Variants in EGLN1 observed in about 807,000 individuals in gnomAD.
EGLN1 encodes the protein egl-9 family hypoxia inducible factor 1.
EGLN1 carries 17 observed loss-of-function variants against 38.3 expected under a neutral mutation model. The ratio of observed to expected loss-of-function variants is 0.44; its 90% confidence interval spans 0.30 to 0.67. The LOEUF (loss-of-function observed/expected upper bound fraction) is 0.67, where lower values mean the gene tolerates loss of function less well. Ranked by LOEUF, EGLN1 falls within the 30% of genes least tolerant of loss-of-function variation. The pLI is 0.08. For missense variants in EGLN1, 477 were observed against 603.3 expected (o/e 0.79, Z 2.19); for synonymous variants, 283 against 257.5 (o/e 1.10, Z -0.95).
chr1:231,372,094 T>G (rs1687838828), intron 2 of EGLN1, among the ~76,000 whole-genome samples: 1 of 152,180 alleles, frequency 6.6e-6, no homozygotes, highest in Admixed American at 6.5e-5. Context: ...GTACCACAGG[T>G]GACCTGCTGA....
intron 1 of EGLN1, among the ~76,000 whole-genome samples, chr1:231,384,842 T>C (rs147297014): frequency 6.6e-6 from 1 of 152,364 alleles, no homozygotes; most frequent in Non-Finnish European, 1.5e-5. Flanking sequence ...TGGCTGCTTT[T>C]GTGCCCCAAC....
In EGLN1 at chr1:231,375,883, T is replaced by C. The variant is rs977618070; in HGVS notation, c.892-1784A>G. 2.6e-5 allele frequency among the ~76,000 whole-genome samples: 4 copies of C among 152,238 alleles called. No homozygotes were observed. In the East Asian group the frequency reaches 7.7e-4, roughly 29 times the overall value. ...GAATTACACAATATATTGTTATTCA[T>C]GGGAAAGAAGGGGGAAACCTGAACT... is the stretch of plus-strand genomic sequence containing the variant. On this transcript the variant is annotated intron_variant, in intron 1 of 4. Transcript: ENST00000366641.
intron 1 of EGLN1, among the ~76,000 whole-genome samples, chr1:231,383,448 T>A (rs1194351114): frequency 6.6e-6 from 1 of 152,146 alleles, no homozygotes; most frequent in Non-Finnish European, 1.5e-5. Context: ...AGCAAAGACA[T>A]AATTAACTTT....
chr1:231,409,773 A>T (rs1440284900), intron 1 of EGLN1, among the ~76,000 whole-genome samples: 2 of 152,184 alleles, frequency 1.3e-5, no homozygotes, highest in African/African-American at 2.4e-5. Flanking sequence ...TTGAGCACTG[A>T]TTATCTGTTG....
intron 1 of EGLN1, among the ~76,000 whole-genome samples, chr1:231,382,384 A>C (rs1688098035): frequency 6.6e-6 from 1 of 152,216 alleles, no homozygotes; most frequent in South Asian, 2.1e-4. Flanking sequence ...GGATATAAAT[A>C]ATCATCAGTA....
At chr1:231,385,842 C>A (rs1156776473) in intron 1 of EGLN1, among the ~76,000 whole-genome samples, 2 of 151,910 alleles carry the variant, frequency 1.3e-5, no homozygotes, top group African/African-American at 4.8e-5. Context: ...TAAAAAGGAG[C>A]TGATTTTTTT....
chr1:231,387,766 C>T (rs570242390), intron 1 of EGLN1, among the ~76,000 whole-genome samples: 1 of 152,276 alleles, frequency 6.6e-6, no homozygotes, highest in Non-Finnish European at 1.5e-5. Flanking sequence ...TCTCTATATC[C>T]TTACATCCCA....
Position 231,416,951 on chromosome 1 carries a change from A to G in EGLN1, c.891+4047T>C, listed in dbSNP as rs1022813800. ...TTCAATTTGTGTATCCTGGATCCCA[A>G]GCATACAAAGAGAATGGAAAAAGGA... is the stretch of plus-strand genomic sequence containing the variant. On this transcript the variant is annotated intron_variant, in intron 1 of 4. Transcript: ENST00000366641. Among the ~76,000 whole-genome samples the G allele has an allele frequency of 3.9e-5, 6 of 152,366 alleles. No individual in the cohort carries two copies. The East Asian group carries it at 1.2e-3, about 29-fold the overall frequency.
At chr1:231,411,569 G>A (rs759491345) in intron 1 of EGLN1, among the ~76,000 whole-genome samples, 4 of 152,076 alleles carry the variant, frequency 2.6e-5, no homozygotes, top group South Asian at 2.1e-4. Context: ...AGCTTCCTGG[G>A]TTCTGGAGTT....
At chr1:231,412,550 AGAC>A (rs750666175) in intron 1 of EGLN1, among the ~76,000 whole-genome samples, 5 of 152,218 alleles carry the variant, frequency 3.3e-5, no homozygotes, top group Non-Finnish European at 7.3e-5. Context: ...ACATACTTAT[AGAC>A]AACACTAAAA....
intron 1 of EGLN1, among the ~76,000 whole-genome samples, chr1:231,417,623 AAGG>A (rs1007403600): frequency 6.6e-6 from 1 of 152,186 alleles, no homozygotes; most frequent in African/African-American, 2.4e-5. Flanking sequence ...TAACGGCAAA[AAGG>A]AGAAAATCCC....
Position 231,366,040 on chromosome 1 carries a change from T to G in EGLN1, c.*371A>C, listed in dbSNP as rs923016967. The G allele has an allele frequency of 2.1e-4, 52 of 241,944 alleles. No homozygotes were observed. The highest frequency in any genetic ancestry group is 5.5e-4 in the Admixed American group (11 of 19,910). The allele number at this position is 241,944 out of a possible 1,614,324, so 15.0% of individuals were successfully genotyped here. On this transcript the variant is annotated 3_prime_UTR_variant, in exon 5 of 5. Transcript: ENST00000366641. ...TAAATTGTACCTAATATAGAAAAAT[T>G]ATCCCAAATTCAAACTTGATATAAA...
Position 231,421,013 on chromosome 1 carries a change from G to T in EGLN1, c.876C>A (p.Ile292=). ...HCNGKLGSYK[I]NGRTKAMVAC... Reference sequence around the variant, plus strand: ...ACACACTTACTTTCGTCCGGCCATTGATTTTGTAGCTGCCCAGCTTCCCGT... The same window carrying T: ...ACACACTTACTTTCGTCCGGCCATTTATTTTGTAGCTGCCCAGCTTCCCGT... The change falls in exon 1 of 5, where the codon ATC becomes ATA. Residue 292 remains isoleucine, a synonymous_variant. Coordinates refer to ENST00000366641, the MANE Select transcript of EGLN1 (RefSeq NM_022051.3). The surrounding 1 kb of genome is among the most constrained non-coding windows in gnomAD (Gnocchi z 5.5). The T allele has an allele frequency of 6.2e-7, 1 of 1,614,046 alleles. No individual in the cohort carries two copies. Among genetic ancestry groups the T allele is most frequent in the Non-Finnish European group, 8.5e-7 (1 of 1,180,000 alleles).
At chr1:231,368,257 A>C (rs1436744582) in intron 3 of EGLN1, among the ~76,000 whole-genome samples, 1 of 152,204 alleles carries the variant, frequency 6.6e-6, no homozygotes, top group Non-Finnish European at 1.5e-5. Flanking sequence ...TATCAATAGC[A>C]CAAGTACTAA....
In EGLN1 at chr1:231,367,632, C is replaced by T; in HGVS notation, c.1153G>A (p.Ala385Thr). 6.2e-7 allele frequency: 1 copy of T among 1,613,522 alleles called. No homozygotes were observed. The highest frequency in any genetic ancestry group is 8.5e-7 in the Non-Finnish European group (1 of 1,179,730). ...EVQPAYATRY[A>T]ITVWYFDADE... is the part of the protein sequence containing the mutation. ...GCATCAAAATACCAAACAGTTATTG[C>T]GTACCTAAAAGAAAATTTAGAATAG... The change falls in exon 4 of 5, where the codon GCA (alanine) becomes ACA (threonine). Residue 385 changes from alanine (A) to threonine (T), a missense_variant. Ala to Thr is a moderately conservative substitution (Grantham distance 58). Around this residue, in one of 4 missense-constraint regions of EGLN1, gnomAD observed 59 missense variants for 119.0 expected, o/e 0.50. Transcript: ENST00000366641.
rs1656572784 is a variant in EGLN1 at position 231,421,017 on chromosome 1, T to C, written c.872A>G (p.Lys291Arg). 10 of 1,613,892 alleles carry C rather than the reference T, an allele frequency of 6.2e-6. No homozygotes were observed. The highest frequency in any genetic ancestry group is 8.5e-6 in the Non-Finnish European group (10 of 1,179,984). Residue 291 changes from lysine (K) to arginine (R), a missense_variant, in exon 1 of 5, where the codon AAA becomes AGA. Lys to Arg is a conservative substitution (Grantham distance 26, BLOSUM62 2). Around this residue, in one of 4 missense-constraint regions of EGLN1, gnomAD observed 119 missense variants for 179.0 expected, o/e 0.66. Coordinates refer to ENST00000366641, the MANE Select transcript of EGLN1 (RefSeq NM_022051.3). This position sits in a 1 kb window ranked among gnomAD's most constrained non-coding sequence, Gnocchi z 5.5. Reference protein sequence around the residue: ...RHCNGKLGSYKINGRTKAMVA... With the variant: ...RHCNGKLGSYRINGRTKAMVA... ...ACTTACTTTCGTCCGGCCATTGATT[T>C]TGTAGCTGCCCAGCTTCCCGTTACA...
chr1:231,419,869 T>C (rs1015271370), intron 1 of EGLN1, among the ~76,000 whole-genome samples: 1 of 152,174 alleles, frequency 6.6e-6, no homozygotes, highest in Non-Finnish European at 1.5e-5. Context: ...GACACACACA[T>C]ACAGAAAAAC....
intron 1 of EGLN1, among the ~76,000 whole-genome samples, chr1:231,382,259 A>C (rs894623340): frequency 1.3e-5 from 2 of 152,176 alleles, no homozygotes; most frequent in Non-Finnish European, 1.5e-5. Flanking sequence ...AAATTCCTTA[A>C]GTTATTTTGG....
chr1:231,408,634 C>T (rs1688852610), intron 1 of EGLN1, among the ~76,000 whole-genome samples: 1 of 152,112 alleles, frequency 6.6e-6, no homozygotes, highest in South Asian at 2.1e-4. Context: ...ATAATACTTA[C>T]TGAGTCCTCG....
Sources: gnomAD v4.1 joint callset for allele counts (sites outside exome capture counted in the v4.1 genomes callset) on GRCh38, gnomAD v4.1.1 for gene constraint, gnomAD v4.1.1 regional missense constraint, Gnocchi (gnomAD v3.1) non-coding constraint, MANE v1.5 for transcripts, NCBI Gene and HGNC (gene_info 2026-07-23, HGNC 2026-07-21) for gene names.